The following GJB7 variants were observed in gnomAD, a reference collection of about 807,000 sequenced individuals.
The protein encoded by GJB7 is gap junction protein beta 7.
For missense variants in GJB7, 253 were observed against 256.8 expected (o/e 0.99, Z 0.10); for synonymous variants, 87 against 95.2 (o/e 0.91, Z 0.50).
At chr6:87,308,698 A>G (rs962293937) in intron 2 of GJB7, among the ~76,000 whole-genome samples, 1 of 152,206 alleles carries the variant, frequency 6.6e-6, no homozygotes, top group South Asian at 2.1e-4. Context: ...CATATATTCA[A>G]GAATCTTTAT....
intron 2 of GJB7, among the ~76,000 whole-genome samples, chr6:87,313,170 C>T (rs1776534625): frequency 6.6e-6 from 1 of 152,112 alleles, no homozygotes; most frequent in South Asian, 2.1e-4. Flanking sequence ...TGTATAACAA[C>T]TTCTAAATGA....
At chr6:87,320,836 T>C (rs1232715952) in intron 2 of GJB7, among the ~76,000 whole-genome samples, 1 of 152,140 alleles carries the variant, frequency 6.6e-6, no homozygotes, top group Admixed American at 6.6e-5. Flanking sequence ...GTTCTCCTTA[T>C]GTAGATAAAG....
chr6:87,288,075 G>C (rs1385377642), intron 2 of GJB7, among the ~76,000 whole-genome samples: 1 of 151,938 alleles, frequency 6.6e-6, no homozygotes, highest in African/African-American at 2.4e-5. Flanking sequence ...GCTAATTTTT[G>C]TATTTCTAGT....
At chr6:87,311,994 T>C (rs1776517458) in intron 2 of GJB7, among the ~76,000 whole-genome samples, 1 of 152,030 alleles carries the variant, frequency 6.6e-6, no homozygotes. Context: ...AGAACTAGTA[T>C]GTGGTGATAG....
chr6:87,306,674 G>A (rs1400370342), intron 2 of GJB7, among the ~76,000 whole-genome samples: 1 of 151,880 alleles, frequency 6.6e-6, no homozygotes, highest in Non-Finnish European at 1.5e-5. Context: ...CCCATTACTG[G>A]GTATATACCC....
intron 2 of GJB7, among the ~76,000 whole-genome samples, chr6:87,286,662 C>G (rs1776065655): frequency 6.6e-6 from 1 of 152,168 alleles, no homozygotes; most frequent in Non-Finnish European, 1.5e-5. Flanking sequence ...CATTGAACTT[C>G]GTGGGATGGG....
intron 2 of GJB7, chr6:87,291,846 T>C (rs933199915): frequency 6.6e-6 from 1 of 152,142 alleles, no homozygotes; most frequent in Non-Finnish European, 1.5e-5. Context: ...AAATGCAATT[T>C]TCCCATTAAA....
chr6:87,299,009 G>T (rs1203937923), intron 2 of GJB7: 7 of 484,988 alleles, frequency 1.4e-5, no homozygotes, highest in South Asian at 3.1e-5. Context: ...AAAGTCAATT[G>T]ATGTAAAGGA....
chr6:87,290,142 A>G (rs552027426), intron 2 of GJB7, among the ~76,000 whole-genome samples: 1 of 152,244 alleles, frequency 6.6e-6, no homozygotes, highest in East Asian at 1.9e-4. Context: ...GTATGGTACA[A>G]CCTTCATTTT....
At chr6:87,291,248 A>G (rs1042953276) in intron 2 of GJB7, among the ~76,000 whole-genome samples, 3 of 152,228 alleles carry the variant, frequency 2.0e-5, no homozygotes, top group African/African-American at 7.2e-5. Context: ...TTTTGTAAAT[A>G]TAGATGCATA....
intron 2 of GJB7, among the ~76,000 whole-genome samples, chr6:87,319,764 G>C (rs1328555017): frequency 6.6e-6 from 1 of 152,150 alleles, no homozygotes; most frequent in Non-Finnish European, 1.5e-5. Context: ...ACCCAATTTA[G>C]ATGCAATCTA....
intron 1 of GJB7, among the ~76,000 whole-genome samples, chr6:87,327,033 G>C (rs1440708390): frequency 3.6e-5 from 5 of 139,546 alleles, no homozygotes; most frequent in African/African-American, 8.4e-5. Flanking sequence ...GGCCTTCTTT[G>C]TGTCTTTTGA....
chr6:87,327,119 G>A (rs1483627332), intron 1 of GJB7, among the ~76,000 whole-genome samples: 1 of 151,528 alleles, frequency 6.6e-6, no homozygotes, highest in Non-Finnish European at 1.5e-5. Flanking sequence ...CCATTTGCTT[G>A]GTAGATGTTC....
chr6:87,327,490 A>C (rs1476948278), intron 1 of GJB7, among the ~76,000 whole-genome samples: 1 of 151,084 alleles, frequency 6.6e-6, no homozygotes, highest in Non-Finnish European at 1.5e-5. Context: ...TCTGTAAAGT[A>C]TTTTATTTCT....
intron 1 of GJB7, among the ~76,000 whole-genome samples, chr6:87,324,051 T>G (rs1305479279): frequency 2.0e-5 from 3 of 150,948 alleles, no homozygotes; most frequent in Non-Finnish European, 4.4e-5. Context: ...TTCATGTGTG[T>G]TTTGGCTGCA....
intron 2 of GJB7, among the ~76,000 whole-genome samples, chr6:87,310,356 A>G (rs1562214702): frequency 6.6e-6 from 1 of 152,214 alleles, no homozygotes; most frequent in Non-Finnish European, 1.5e-5. Flanking sequence ...CATTAAAATT[A>G]AGAACTTGTT....
chr6:87,315,740 G>A (rs1181341622), intron 2 of GJB7, among the ~76,000 whole-genome samples: 1 of 145,344 alleles, frequency 6.9e-6, no homozygotes, highest in East Asian at 2.1e-4. Context: ...AGGTTGCAGT[G>A]AGCCAAGATC....
chr6:87,325,678 T>C (rs1183687591), intron 1 of GJB7, among the ~76,000 whole-genome samples: 8 of 152,110 alleles, frequency 5.3e-5, no homozygotes, highest in Non-Finnish European at 1.2e-4. Flanking sequence ...CAGTATTTTA[T>C]TGAGGATTTT....
At chr6:87,327,870 TC>T (rs1362492146) in intron 1 of GJB7, among the ~76,000 whole-genome samples, 1 of 149,982 alleles carries the variant, frequency 6.7e-6, no homozygotes, top group Non-Finnish European at 1.5e-5. Context: ...GGTTCCATTC[TC>T]CCCGTCACTT....
Sources: allele counts gnomAD v4.1 joint callset (sites outside exome capture counted in the v4.1 genomes callset), GRCh38; gene constraint gnomAD v4.1.1; transcripts MANE v1.5; gene names NCBI Gene and HGNC (gene_info 2026-07-23, HGNC 2026-07-21).